PSKH1: variants seen among roughly 807,000 people sequenced by gnomAD.
PSKH1 encodes protein serine kinase H1, also known as serine/threonine-protein kinase H1.
In PSKH1, 12 loss-of-function variants were observed where a neutral mutation model predicts 26.7. That is an observed-to-expected ratio of 0.45 (90% CI 0.29 to 0.73). PSKH1 has a LOEUF of 0.73. PSKH1 is among the 30% of genes least tolerant of loss of function. The pLI, the probability that PSKH1 is intolerant of heterozygous loss-of-function variation, is 0.11. For synonymous variants in PSKH1, 213 were observed against 234.3 expected, an observed-to-expected ratio of 0.91 and a Z score of 0.83; for missense variants, 431 against 595.2, an observed-to-expected ratio of 0.72 and a Z score of 2.87.
At chr16:67,900,657 G>A (rs1044549583) in intron 1 of PSKH1, among the ~76,000 whole-genome samples, 1 of 152,180 alleles carries the variant, frequency 6.6e-6, no homozygotes, top group African/African-American at 2.4e-5. Context: ...CTCCTGGACT[G>A]TCATTTCTGT....
intron 2 of PSKH1, among the ~76,000 whole-genome samples, chr16:67,914,306 T>G (rs1204800200): frequency 6.6e-6 from 1 of 151,872 alleles, no homozygotes; most frequent in African/African-American, 2.4e-5. Flanking sequence ...TGCGCCACCA[T>G]GCCCAGATAT....
chr16:67,908,405 G>A (rs552276600), intron 1 of PSKH1, among the ~76,000 whole-genome samples: 1 of 152,330 alleles, frequency 6.6e-6, no homozygotes, highest in African/African-American at 2.4e-5. Context: ...GAGTAGGTGG[G>A]ATTACAGATG....
intron 2 of PSKH1, among the ~76,000 whole-genome samples, chr16:67,926,533 A>G (rs973616517): frequency 4.6e-5 from 7 of 152,234 alleles, no homozygotes; most frequent in African/African-American, 1.7e-4. Flanking sequence ...ACAGCCGTAC[A>G]ACCTGAGGCC....
chr16:67,914,098 C>T (rs1461349283), intron 2 of PSKH1, among the ~76,000 whole-genome samples: 4 of 152,124 alleles, frequency 2.6e-5, no homozygotes, highest in Non-Finnish European at 5.9e-5. Flanking sequence ...TTGGGAAGTT[C>T]AGTTGTCCTA....
intron 2 of PSKH1, among the ~76,000 whole-genome samples, chr16:67,910,313 G>A (rs923514440): frequency 6.6e-6 from 1 of 152,180 alleles, no homozygotes; most frequent in Non-Finnish European, 1.5e-5. Context: ...AGCTCAGGGG[G>A]TGGGCTGAGA....
intron 1 of PSKH1, among the ~76,000 whole-genome samples, chr16:67,904,472 G>A (rs569981382): frequency 6.6e-6 from 1 of 152,100 alleles, no homozygotes; most frequent in South Asian, 2.1e-4. Flanking sequence ...CCATAGTGCT[G>A]GGATTACAGG....
intron 2 of PSKH1, among the ~76,000 whole-genome samples, chr16:67,923,728 C>A (rs1468565981): frequency 3.3e-5 from 5 of 152,206 alleles, no homozygotes. Context: ...TGGTATGGCT[C>A]AAATAAGTAT....
intron 2 of PSKH1, among the ~76,000 whole-genome samples, chr16:67,923,835 A>G (rs965313870): frequency 6.6e-6 from 1 of 152,212 alleles, no homozygotes; most frequent in Admixed American, 6.5e-5. Context: ...CCTGCTTAGA[A>G]TGCTTCCCAG....
At chr16:67,923,142 C>T (rs944161559) in intron 2 of PSKH1, among the ~76,000 whole-genome samples, 1 of 152,084 alleles carries the variant, frequency 6.6e-6, no homozygotes, top group Admixed American at 6.6e-5. Flanking sequence ...GAGTAGGACT[C>T]CACTGCCTAG....
chr16:67,906,800 C>T (rs2058157257), intron 1 of PSKH1, among the ~76,000 whole-genome samples: 1 of 152,140 alleles, frequency 6.6e-6, no homozygotes, highest in South Asian at 2.1e-4. Context: ...GTCCAGGGCC[C>T]CACCAGCCCC....
chr16:67,914,699 C>G (rs556553252), intron 2 of PSKH1, among the ~76,000 whole-genome samples: 1 of 152,264 alleles, frequency 6.6e-6, no homozygotes, highest in East Asian at 1.9e-4. Flanking sequence ...GGTGATCTGC[C>G]CGCCTCAGCT....
chr16:67,909,560 C>T lies in PSKH1; in HGVS notation c.811C>T (p.Arg271Cys), dbSNP rs748685487. The change falls in exon 2 of 3, where the codon CGC becomes TGC. Residue 271 changes from arginine (R) to cysteine (C), a missense_variant. Arg to Cys is a radical substitution (Grantham distance 180). Transcript: ENST00000291041. The surrounding 1 kb of genome is among the most constrained non-coding windows in gnomAD (Gnocchi z 7.8). ...GTACATTGCCCCAGAAGTCCTGGTC[C>T]GCAAGCCATACACCAACTCAGTGGA... Reference protein sequence around the residue: ...PEYIAPEVLVRKPYTNSVDMW... With the variant: ...PEYIAPEVLVCKPYTNSVDMW... 13 of 1,613,780 alleles carry T rather than the reference C, an allele frequency of 8.1e-6. No homozygotes were observed. Among genetic ancestry groups the T allele is most frequent in the South Asian group, 4.4e-5 (4 of 91,082 alleles).
chr16:67,919,851 C>T (rs754687086), intron 2 of PSKH1, among the ~76,000 whole-genome samples: 38 of 152,246 alleles, frequency 2.5e-4, no homozygotes, highest in Non-Finnish European at 5.1e-4. Context: ...CTGGGCTCCC[C>T]AGAGCCCTGT....
chr16:67,913,470 T>TA (rs1221591350), intron 2 of PSKH1, among the ~76,000 whole-genome samples: 1 of 148,598 alleles, frequency 6.7e-6, no homozygotes, highest in Non-Finnish European at 1.5e-5. Flanking sequence ...TAAAAAAAAT[T>TA]TTTTTTTTTA....
At chr16:67,897,381 T>C (rs1014463724) in intron 1 of PSKH1, among the ~76,000 whole-genome samples, 21 of 152,232 alleles carry the variant, frequency 1.4e-4, no homozygotes, top group Non-Finnish European at 1.6e-4. Flanking sequence ...TACAGCCCTC[T>C]GTTGCCATGG....
intron 1 of PSKH1, among the ~76,000 whole-genome samples, chr16:67,900,647 C>G (rs2058139078): frequency 6.6e-6 from 1 of 152,190 alleles, no homozygotes; most frequent in Admixed American, 6.5e-5. Context: ...CTCTTTACCT[C>G]TCCTGGACTG....
intron 1 of PSKH1, among the ~76,000 whole-genome samples, chr16:67,901,481 G>A (rs913450847): frequency 2.6e-5 from 4 of 152,038 alleles, no homozygotes; most frequent in African/African-American, 9.7e-5. Flanking sequence ...GCAGGCTCAT[G>A]CCACCACGCC....
intron 1 of PSKH1, among the ~76,000 whole-genome samples, chr16:67,906,277 G>A (rs1214711016): frequency 1.3e-5 from 2 of 151,922 alleles, no homozygotes; most frequent in African/African-American, 2.4e-5. Context: ...TCACCATGTT[G>A]GCCTGGCTGG....
intron 1 of PSKH1, among the ~76,000 whole-genome samples, chr16:67,905,556 G>A (rs1416533441): frequency 2.6e-5 from 4 of 152,170 alleles, no homozygotes; most frequent in Admixed American, 2.0e-4. Context: ...ACTTAACCAT[G>A]TTATACTGAA....
Sources: gnomAD v4.1 joint callset for allele counts (sites outside exome capture counted in the v4.1 genomes callset) on GRCh38, gnomAD v4.1.1 for gene constraint, Gnocchi (gnomAD v3.1) non-coding constraint, MANE v1.5 for transcripts, NCBI Gene and HGNC (gene_info 2026-07-23, HGNC 2026-07-21) for gene names.